DCP1A: variants seen among roughly 807,000 people sequenced by gnomAD.
The protein encoded by DCP1A is mRNA-decapping enzyme 1A.
A neutral mutation model predicts 58.0 loss-of-function variants in DCP1A; 20 were observed. The ratio of observed to expected loss-of-function variants is 0.34; its 90% CI spans 0.24 to 0.50. The LOEUF is 0.50. DCP1A is among the 20% of genes least tolerant of loss of function. The pLI, the probability that DCP1A is intolerant of heterozygous loss-of-function variation, is 0.98. For synonymous variants in DCP1A, 285 were observed against 275.1 expected, an observed-to-expected ratio of 1.04 and a Z score of -0.36; for missense variants, 613 against 712.2, an observed-to-expected ratio of 0.86 and a Z score of 1.59.
At chr3:53,315,646 A>G (rs1400572251) in intron 4 of DCP1A, among the ~76,000 whole-genome samples, 1 of 151,576 alleles carries the variant, frequency 6.6e-6, no homozygotes, top group Non-Finnish European at 1.5e-5. Context: ...CTGACCAGAG[A>G]ATATACAAAT....
intron 2 of DCP1A, among the ~76,000 whole-genome samples, chr3:53,343,054 C>T (rs538434491): frequency 2.0e-5 from 3 of 152,310 alleles, no homozygotes; most frequent in African/African-American, 7.2e-5. Context: ...CAGAGGGATT[C>T]GGTACATGAT....
intron 7 of DCP1A, 88 bp downstream of exon 7, chr3:53,291,981 T>C: frequency 7.2e-7 from 1 of 1,384,314 alleles, no homozygotes; most frequent in Non-Finnish European, 9.6e-7. Flanking sequence ...AATTGTCATG[T>C]CATGACAGTT....
At chr3:53,317,781 A>G (rs1707855597) in intron 4 of DCP1A, among the ~76,000 whole-genome samples, 1 of 152,224 alleles carries the variant, frequency 6.6e-6, no homozygotes, top group Admixed American at 6.5e-5. Flanking sequence ...TTTCAAGCCA[A>G]CATTTTTTCA....
intron 6 of DCP1A, among the ~76,000 whole-genome samples, chr3:53,298,985 G>A (rs1303611159): frequency 2.0e-5 from 3 of 152,170 alleles, no homozygotes; most frequent in Non-Finnish European, 4.4e-5. Flanking sequence ...CTATCCCATC[G>A]AGCCTAGGTG....
At chr3:53,332,853 G>A (rs1553691489) in intron 3 of DCP1A, among the ~76,000 whole-genome samples, 4 of 145,212 alleles carry the variant, frequency 2.8e-5, no homozygotes, top group Admixed American at 6.9e-5. Context: ...GCAAGACTCC[G>A]TTTCAAAAAA....
chr3:53,290,839 C>T lies in DCP1A; in HGVS notation c.1401G>A (p.Gln467=), dbSNP rs564477705. The T allele has an allele frequency of 6.2e-7, 1 of 1,610,076 alleles. No homozygotes were observed. The highest frequency in any genetic ancestry group is 1.1e-5 in the South Asian group (1 of 90,732). ...TAGGCTGCACAAATACTTCAGGATC[C>T]TGGTTCTGCTGCATAGACTGAAATG... The part of the protein sequence containing the change: ...LAPLQSMQQN[Q]DPEVFVQPKV... Residue 467 remains glutamine, a synonymous_variant, in exon 8 of 10, where the codon CAG becomes CAA. Coordinates refer to ENST00000610213, the MANE Select transcript of DCP1A (RefSeq NM_018403.7).
At chr3:53,300,283 A>G (rs977512122) in intron 6 of DCP1A, among the ~76,000 whole-genome samples, 9 of 151,690 alleles carry the variant, frequency 5.9e-5, no homozygotes, top group Non-Finnish European at 1.5e-5. Context: ...TGAAAGGCTT[A>G]GCATCTATGG....
chr3:53,304,779 T>G (rs797031591), intron 5 of DCP1A, among the ~76,000 whole-genome samples: 11 of 152,022 alleles, frequency 7.2e-5, no homozygotes, highest in African/African-American at 2.7e-4. Flanking sequence ...GAGACAGGGT[T>G]TCAGCATGTT....
chr3:53,285,402 C>G lies in DCP1A; in HGVS notation c.*2178G>C, dbSNP rs1430335661. On this transcript the variant is annotated 3_prime_UTR_variant, in exon 10 of 10. Transcript: ENST00000610213. ...GGCTTCTCTAGGGATTCATTCTGGC[C>G]TGAACTTCCTGGTAATCATGACATG... The G allele has an allele frequency of 6.6e-6, 1 of 152,154 alleles. No homozygotes were observed. 9.4% of individuals were successfully genotyped at this position (152,154 alleles called of 1,614,324 possible).
At chr3:53,294,485 G>A (rs1170633275) in intron 6 of DCP1A, among the ~76,000 whole-genome samples, 1 of 152,160 alleles carries the variant, frequency 6.6e-6, no homozygotes, top group Non-Finnish European at 1.5e-5. Flanking sequence ...TTGTGAACAT[G>A]TCTGGAGGTC....
rs1706540189 is a variant in DCP1A at position 53,284,207 on chromosome 3, C to CA, written c.*3372dup. 3 of 152,270 alleles carry CA rather than the reference C, an allele frequency of 2.0e-5. No homozygotes were observed. In the South Asian group the frequency reaches 6.2e-4, roughly 31 times the overall value. 9.4% of individuals were successfully genotyped at this position (152,270 alleles called of 1,614,324 possible). A position where few individuals can be genotyped will look rare whatever the true frequency, so the allele number is the denominator to read the frequency against. ...TGCCTGTGCCACCTCTCATTCCTCTCAGAGTTACAGTATGATGGCTGATTT... is the reference window on the plus strand; with the variant it reads ...TGCCTGTGCCACCTCTCATTCCTCTCAAGAGTTACAGTATGATGGCTGATTT... On this transcript the variant is annotated 3_prime_UTR_variant, in exon 10 of 10. Transcript: ENST00000610213.
At chr3:53,339,445 AT>A (rs1375659967) in intron 3 of DCP1A, among the ~76,000 whole-genome samples, 2 of 152,254 alleles carry the variant, frequency 1.3e-5, no homozygotes, top group Non-Finnish European at 2.9e-5. Flanking sequence ...AGGTCTCACT[AT>A]AACAATTTAA....
At chr3:53,339,995 A>C (rs1297810403) in intron 3 of DCP1A, among the ~76,000 whole-genome samples, 1 of 152,058 alleles carries the variant, frequency 6.6e-6, no homozygotes, top group African/African-American at 2.4e-5. Flanking sequence ...ATCATGGCTC[A>C]CTGCAGCCTG....
At chr3:53,329,111 T>C (rs1437358466) in intron 3 of DCP1A, 1 of 369,900 alleles carries the variant, frequency 2.7e-6, no homozygotes, top group Non-Finnish European at 4.8e-6. Context: ...TGTAAACTTA[T>C]CTTGTAAGGA....
chr3:53,288,295 C>T lies in DCP1A; in HGVS notation c.1450-12G>A. Reference sequence around the variant, plus strand: ...GGGGCGCCTGCAACCTGGAGAGTGACAATGGTCATTTTGTACCGAAGTGCA... The same window carrying T: ...GGGGCGCCTGCAACCTGGAGAGTGATAATGGTCATTTTGTACCGAAGTGCA... On this transcript the variant is annotated splice_polypyrimidine_tract_variant and intron_variant, in intron 8 of 9. Transcript: ENST00000610213. The T allele has an allele frequency of 6.3e-7, 1 of 1,594,654 alleles. No homozygotes were observed. Among genetic ancestry groups the T allele is most frequent in the Non-Finnish European group, 8.5e-7 (1 of 1,170,310 alleles).
chr3:53,308,063 C>A (rs1553688275), intron 5 of DCP1A, among the ~76,000 whole-genome samples: 1 of 151,920 alleles, frequency 6.6e-6, no homozygotes, highest in Non-Finnish European at 1.5e-5. Context: ...CTAATGTACA[C>A]AAACATACCA....
chr3:53,306,868 T>C (rs1553688115), intron 5 of DCP1A, among the ~76,000 whole-genome samples: 1 of 150,200 alleles, frequency 6.7e-6, no homozygotes, highest in African/African-American at 2.4e-5. Flanking sequence ...CAGCAAGCTA[T>C]GATTTTCTTT....
chr3:53,345,163 C>T (rs1159439451), intron 1 of DCP1A, among the ~76,000 whole-genome samples: 7 of 152,126 alleles, frequency 4.6e-5, no homozygotes, highest in Non-Finnish European at 7.4e-5. Context: ...AATATTTAAT[C>T]CAGCAACATA....
In DCP1A at chr3:53,347,414, AG is replaced by A. The variant is rs782216629; in HGVS notation, c.103del (p.Leu35CysfsTer16). On this transcript the variant is annotated frameshift_variant, in exon 1 of 10. Coordinates refer to ENST00000610213, the MANE Select transcript of DCP1A (RefSeq NM_018403.7). LOFTEE classifies it high-confidence loss of function. Reference sequence around the variant, plus strand: ...GTTGGCCTTGGGGCAGAAGGTGTACAGAGCGACCTGGCCCGTGAGGTCTGCG... The same window carrying A: ...GTTGGCCTTGGGGCAGAAGGTGTACAAGCGACCTGGCCCGTGAGGTCTGCG... ...SIADLTGQVALYTFCPKANQW... is the reference protein window; with the variant it reads ...SIADLTGQVAXYTFCPKANQW... 1 of 1,612,620 alleles carries A rather than the reference AG, an allele frequency of 6.2e-7. No homozygotes were observed. Among genetic ancestry groups the A allele is most frequent in the Non-Finnish European group, 8.5e-7 (1 of 1,179,228 alleles).
Sources: gnomAD v4.1 joint callset for allele counts (sites outside exome capture counted in the v4.1 genomes callset) on GRCh38, gnomAD v4.1.1 for gene constraint, MANE v1.5 for transcripts, NCBI Gene and HGNC (gene_info 2026-07-23, HGNC 2026-07-21) for gene names.